Variants in LAMA3 observed in about 807,000 individuals in gnomAD.
LAMA3 encodes the protein laminin subunit alpha 3, also known as laminin subunit alpha-3.
In LAMA3, 281 loss-of-function variants were observed where a neutral mutation model predicts 402.0. The observed-to-expected ratio is 0.70, with a 90% CI of 0.63 to 0.77. LAMA3 has a LOEUF of 0.77. Ranked by LOEUF, LAMA3 falls within the 30% of genes least tolerant of loss-of-function variation. The probability of loss-of-function intolerance (pLI) is 0.00; values close to 1 mark genes in which losing one functional copy is unlikely to be tolerated. For missense variants in LAMA3, 3,840 were observed against 4,215.5 expected (o/e 0.91, Z 2.47); for synonymous variants, 1,431 against 1,558.4 (o/e 0.92, Z 1.93).
intron 20 of LAMA3, 38 bp from the exon 21 acceptor site, chr18:23,824,385 A>G: frequency 1.2e-6 from 2 of 1,610,868 alleles, no homozygotes; most frequent in South Asian, 2.2e-5. Flanking sequence ...ACTGACTGAT[A>G]GAAAAATGCC....
chr18:23,836,508 A>C (rs1027142465), intron 24 of LAMA3, among the ~76,000 whole-genome samples: 2 of 152,176 alleles, frequency 1.3e-5, no homozygotes, highest in Non-Finnish European at 2.9e-5. Flanking sequence ...AGAAATGAAG[A>C]AGGAAGAAGG....
At chr18:23,914,937 T>G (rs1162880611) in intron 58 of LAMA3, 77 bp downstream of exon 58, 1 of 1,171,676 alleles carries the variant, frequency 8.5e-7, no homozygotes, top group Non-Finnish European at 1.3e-6. Flanking sequence ...TGTCTCTAAT[T>G]GTTAATTACA....
At chr18:23,744,848 A>G (rs1052922909) in intron 2 of LAMA3, among the ~76,000 whole-genome samples, 6 of 151,210 alleles carry the variant, frequency 4.0e-5, no homozygotes, top group Admixed American at 4.0e-4. Flanking sequence ...AAAAAAAAAA[A>G]AAAAAAAAAT....
chr18:23,787,356 G>A (rs2062565962), intron 12 of LAMA3, among the ~76,000 whole-genome samples: 1 of 151,966 alleles, frequency 6.6e-6, no homozygotes, highest in Non-Finnish European at 1.5e-5. Flanking sequence ...GGTAATGAGA[G>A]CATCAGAAAG....
Position 23,904,656 on chromosome 18 carries a change from G to A in LAMA3, c.6577G>A (p.Ala2193Thr), listed in dbSNP as rs1306729269. ...LNAIKAAEDA[A>T]NRAASASESA... ...TGCCATCAAAGCGGCCGAGGACGCA[G>A]CCAACAGGGCTGCCAGTGCATCTGA... The change falls in exon 51 of 75, where the codon GCC becomes ACC. Residue 2193 changes from alanine to threonine, a missense_variant. Transcript: ENST00000313654. The A allele has an allele frequency of 1.9e-6, 3 of 1,614,018 alleles. No homozygotes were observed. The highest frequency in any genetic ancestry group is 1.1e-5 in the South Asian group (1 of 91,050).
intron 8 of LAMA3, among the ~76,000 whole-genome samples, chr18:23,767,281 C>T (rs2062094972): frequency 6.6e-6 from 1 of 152,160 alleles, no homozygotes; most frequent in Non-Finnish European, 1.5e-5. Flanking sequence ...AGTAACATTA[C>T]AGTGGCCATA....
intron 44 of LAMA3, among the ~76,000 whole-genome samples, chr18:23,895,393 G>A (rs558389183): frequency 2.3e-4 from 35 of 152,214 alleles, no homozygotes; most frequent in Non-Finnish European, 4.9e-4. Context: ...AATTTTTCCA[G>A]TGAAGCCATG....
At chr18:23,907,963 C>G in intron 54 of LAMA3, 28 bp downstream of exon 54, 2 of 1,606,164 alleles carry the variant, frequency 1.2e-6, no homozygotes, top group Non-Finnish European at 8.5e-7. Context: ...GCCAGGACAT[C>G]TTAGCCATTC....
At chr18:23,812,480 A>G (rs1414730245) in intron 13 of LAMA3, among the ~76,000 whole-genome samples, 3 of 152,204 alleles carry the variant, frequency 2.0e-5, no homozygotes, top group Non-Finnish European at 4.4e-5. Flanking sequence ...GATTTGAAAA[A>G]CCAGACTCAG....
intron 48 of LAMA3, among the ~76,000 whole-genome samples, chr18:23,902,804 G>A (rs544849280): frequency 6.1e-4 from 93 of 152,216 alleles, no homozygotes; most frequent in South Asian, 2.1e-3. Context: ...TGTTTCATTG[G>A]CATATCATTT....
chr18:23,869,164 C>T (rs370537769), intron 37 of LAMA3, among the ~76,000 whole-genome samples: 8 of 152,096 alleles, frequency 5.3e-5, no homozygotes, highest in African/African-American at 1.7e-4. Flanking sequence ...TCAGAATCAA[C>T]GTTTTCAGAA....
chr18:23,829,824 C>A (rs1452122054), intron 23 of LAMA3, among the ~76,000 whole-genome samples: 1 of 152,166 alleles, frequency 6.6e-6, no homozygotes, highest in African/African-American at 2.4e-5. Flanking sequence ...CTCTGTATGT[C>A]CATATGTACC....
intron 12 of LAMA3, among the ~76,000 whole-genome samples, chr18:23,807,593 C>T (rs1449035179): frequency 6.6e-6 from 1 of 152,014 alleles, no homozygotes; most frequent in Non-Finnish European, 1.5e-5. Flanking sequence ...GGTAGGCTAA[C>T]AGGTTGGAGA....
In LAMA3 at chr18:23,898,744, T is replaced by C; in HGVS notation, c.5620T>C (p.Leu1874=). 1 of 1,573,842 alleles carries C rather than the reference T, an allele frequency of 6.4e-7. No individual in the cohort carries two copies. The highest frequency in any genetic ancestry group is 8.7e-7 in the Non-Finnish European group (1 of 1,143,204). ...ATTTGTGTTTTGTTTCCAGAATCAG[T>C]TGCTCAACTACCGTTCTGCCATTTC... ...ETQAKDLRNQ[L]LNYRSAISNH... Residue 1874 remains leucine (L), a synonymous_variant, in exon 45 of 75, where the codon TTG becomes CTG. Transcript: ENST00000313654.
intron 12 of LAMA3, among the ~76,000 whole-genome samples, chr18:23,784,597 A>C (rs891206341): frequency 6.6e-6 from 1 of 152,118 alleles, no homozygotes; most frequent in Non-Finnish European, 1.5e-5. Context: ...AGCACATGCA[A>C]ACCATAGAGA....
chr18:23,709,759 TTTGA>T (rs1357830064), intron 1 of LAMA3: 1 of 555,050 alleles, frequency 1.8e-6, no homozygotes, highest in Non-Finnish European at 3.4e-6. Context: ...GCTCCACAAG[TTTGA>T]TTGTCTTTTC....
At chr18:23,838,937 A>G (rs1309179365) in intron 26 of LAMA3, 59 bp downstream of exon 26, 4 of 1,035,590 alleles carry the variant, frequency 3.9e-6, no homozygotes, top group Middle Eastern at 2.0e-4. Flanking sequence ...GGATGAGTGT[A>G]AGGCTGAAAC....
intron 9 of LAMA3, 51 bp downstream of exon 9, chr18:23,773,638 C>A: frequency 8.4e-7 from 1 of 1,188,534 alleles, no homozygotes; most frequent in Non-Finnish European, 1.2e-6. Flanking sequence ...ACTGCCTCAG[C>A]GAAGTCATCA....
At chr18:23,843,268 T>C (rs1219685949) in intron 29 of LAMA3, among the ~76,000 whole-genome samples, 1 of 152,134 alleles carries the variant, frequency 6.6e-6, no homozygotes, top group Non-Finnish European at 1.5e-5. Flanking sequence ...TTTCCTGAAC[T>C]CCAGTATGTG....
Sources: gnomAD v4.1 joint callset for allele counts (sites outside exome capture counted in the v4.1 genomes callset) on GRCh38, gnomAD v4.1.1 for gene constraint, MANE v1.5 for transcripts, NCBI Gene and HGNC (gene_info 2026-07-23, HGNC 2026-07-21) for gene names.